Variants in IL7 observed in about 807,000 individuals in gnomAD.
IL7 encodes the protein interleukin 7.
In IL7, 3 loss-of-function variants were observed where a neutral mutation model predicts 21.6. The ratio of observed to expected loss-of-function variants is 0.14; its 90% CI spans 0.06 to 0.36. The LOEUF is 0.36. Ranked by LOEUF, IL7 falls within the 10% of genes least tolerant of loss-of-function variation. The pLI, the probability that IL7 is intolerant of heterozygous loss-of-function variation, is 1.00. For missense variants in IL7, 175 were observed against 200.2 expected, an observed-to-expected ratio of 0.87 and a Z score of 0.76; for synonymous variants, 62 against 68.1, an observed-to-expected ratio of 0.91 and a Z score of 0.44.
At chr8:78,798,320 G>T (rs1445309060) in intron 1 of IL7, 112 bp from the exon 2 acceptor site, 4 of 743,286 alleles carry the variant, frequency 5.4e-6, no homozygotes, top group Non-Finnish European at 8.4e-6. Flanking sequence ...AATACATCTT[G>T]GTTTGGAGAT....
intron 2 of IL7, among the ~76,000 whole-genome samples, chr8:78,786,471 C>T (rs1195987896): frequency 6.6e-6 from 1 of 152,114 alleles, no homozygotes; most frequent in Non-Finnish European, 1.5e-5. Flanking sequence ...AATGTGAAGG[C>T]CTAGGACATT....
At chr8:78,736,182 G>T (rs1811589552) in intron 5 of IL7, among the ~76,000 whole-genome samples, 1 of 147,382 alleles carries the variant, frequency 6.8e-6, no homozygotes, top group Non-Finnish European at 1.5e-5. Context: ...TAAATTATTT[G>T]TTCATTTCTT....
chr8:78,798,259 T>C (rs773306081), intron 1 of IL7, 51 bp from the exon 2 acceptor site: 1 of 1,374,830 alleles, frequency 7.3e-7, no homozygotes, highest in Non-Finnish European at 1.0e-6. Context: ...CGTATTGCAT[T>C]TGATTGTGGG....
chr8:78,796,331 T>A (rs1813852857), intron 2 of IL7, among the ~76,000 whole-genome samples: 1 of 151,956 alleles, frequency 6.6e-6, no homozygotes, highest in Non-Finnish European at 1.5e-5. Flanking sequence ...AGCACTAAAA[T>A]ATGAAATATT....
intron 2 of IL7, among the ~76,000 whole-genome samples, chr8:78,784,440 C>T (rs72661383): frequency 0.044 from 6,705 of 152,270 alleles, 213 homozygotes; most frequent in Middle Eastern, 0.082. Context: ...AAGTGTCTAA[C>T]ACAGTCACTT....
chr8:78,710,414 T>C lies in IL7; in HGVS notation n.214+10934A>G, dbSNP rs1026104089. Among the ~76,000 whole-genome samples the C allele has an allele frequency of 9.2e-5, 14 of 152,264 alleles. No individual in the cohort carries two copies. The East Asian group carries it at 2.3e-3, about 25-fold the overall frequency. On this transcript the variant is annotated intron_variant and non_coding_transcript_variant, in intron 3 of 4. Transcript: ENST00000523959. ...TGAAAATATTGGCAATCTTTTTATA[T>C]ATGTAATGTTTCCATTGGATAATTA...
Position 78,733,269 on chromosome 8 carries a change from A to G in IL7, c.*444T>C, listed in dbSNP as rs1429468861. 6.5e-6 allele frequency: 1 copy of G among 153,112 alleles called. No homozygotes were observed. The highest frequency in any genetic ancestry group is 2.4e-5 in the African/African-American group (1 of 41,448). The allele number at this position is 153,112 out of a possible 1,614,324, so 9.5% of individuals were successfully genotyped here. On this transcript the variant is annotated 3_prime_UTR_variant, in exon 6 of 6. Coordinates refer to ENST00000263851, the MANE Select transcript of IL7 (RefSeq NM_000880.4). ...TAAAACATCTCCAGCACAGAAGAAG[A>G]CAATTTTCACTCTTAATACAGTATA...
chr8:78,768,925 G>A (rs1020344769), intron 2 of IL7, among the ~76,000 whole-genome samples: 19 of 152,168 alleles, frequency 1.2e-4, no homozygotes, highest in African/African-American at 4.6e-4. Context: ...CAGAACCAAA[G>A]ACAAAAACCA....
At chr8:78,734,654 T>G (rs995860199) in intron 5 of IL7, among the ~76,000 whole-genome samples, 2 of 152,170 alleles carry the variant, frequency 1.3e-5, no homozygotes, top group African/African-American at 4.8e-5. Context: ...CAACAATCAC[T>G]AGCAAGTAAA....
At chr8:78,753,879 T>C (rs1812260221) in intron 2 of IL7, among the ~76,000 whole-genome samples, 1 of 152,086 alleles carries the variant, frequency 6.6e-6, no homozygotes, top group African/African-American at 2.4e-5. Context: ...AAGATGGCTG[T>C]AGATGTGTGA....
At chr8:78,758,974 G>A (rs1022400605) in intron 2 of IL7, among the ~76,000 whole-genome samples, 12 of 151,438 alleles carry the variant, frequency 7.9e-5, no homozygotes, top group Non-Finnish European at 1.2e-4. Context: ...TATTCTTATG[G>A]AACTTATAAA....
chr8:78,799,891 T>A (rs996970792), intron 1 of IL7, among the ~76,000 whole-genome samples: 6 of 151,894 alleles, frequency 4.0e-5, no homozygotes, highest in South Asian at 2.1e-4. Flanking sequence ...ATTGCTAATT[T>A]AAAAAAAATA....
intron 2 of IL7, among the ~76,000 whole-genome samples, chr8:78,766,448 G>A (rs1023404650): frequency 6.6e-6 from 1 of 152,044 alleles, no homozygotes; most frequent in African/African-American, 2.4e-5. Context: ...TATACTTTCA[G>A]CTCAGCATCC....
chr8:78,762,195 G>C, intron 2 of IL7: 10 of 1,591,960 alleles, frequency 6.3e-6, no homozygotes, highest in Non-Finnish European at 8.6e-6. Context: ...GCATTATCTC[G>C]AAGAACTGTC....
chr8:78,805,022 T>A lies in IL7; in HGVS notation c.-100A>T. 1 of 1,346,848 alleles carries A rather than the reference T, an allele frequency of 7.4e-7. No homozygotes were observed. 83.4% of individuals were successfully genotyped at this position (1,346,848 alleles called of 1,614,324 possible). On this transcript the variant is annotated 5_prime_UTR_variant, in exon 1 of 6. Transcript: ENST00000263851. ...CCCAGGACCCTGGTCTTCCGCGGAG[T>A]TGCCGAGTCTGTGTTGGGCAGGGTG...
At chr8:78,700,858 TC>T (rs1810579516) in intron 3 of IL7, among the ~76,000 whole-genome samples, 1 of 152,210 alleles carries the variant, frequency 6.6e-6, no homozygotes, top group African/African-American at 2.4e-5. Context: ...GTTCCACTGG[TC>T]CATGTTCCAG....
chr8:78,725,514 A>G (rs1811325049), intron 3 of IL7, among the ~76,000 whole-genome samples: 1 of 151,966 alleles, frequency 6.6e-6, no homozygotes, highest in Admixed American at 6.6e-5. Context: ...TATTATTATT[A>G]TTATTTGCTT....
chr8:78,720,506 C>T (rs1170526009), intron 5 of IL7, among the ~76,000 whole-genome samples: 1 of 151,750 alleles, frequency 6.6e-6, no homozygotes, highest in African/African-American at 2.4e-5. Flanking sequence ...TTTTTAGCCA[C>T]TAGAGGGTGC....
chr8:78,683,169 A>G (rs10111625), intron 4 of IL7, among the ~76,000 whole-genome samples: 104,310 of 151,574 alleles, frequency 0.69, 36,608 homozygotes, highest in East Asian at 0.91. Context: ...TGGATCTACC[A>G]TTCTGGGGTC....
Sources: gnomAD v4.1 joint callset for allele counts (sites outside exome capture counted in the v4.1 genomes callset) on GRCh38, gnomAD v4.1.1 for gene constraint, MANE v1.5 for transcripts, NCBI Gene and HGNC (gene_info 2026-07-23, HGNC 2026-07-21) for gene names.